The following AUTS2 variants were observed in gnomAD, a reference collection of about 807,000 sequenced individuals.
AUTS2 encodes the protein autism susceptibility gene 2 protein.
A neutral mutation model predicts 112.4 loss-of-function variants in AUTS2; 17 were observed. That is an observed-to-expected ratio of 0.15 (90% CI 0.10 to 0.23). AUTS2 has a LOEUF of 0.23. AUTS2 is among the 10% of genes least tolerant of loss of function. AUTS2 has a pLI of 1.00. For synonymous variants in AUTS2, 751 were observed against 702.7 expected (o/e 1.07, Z -1.09); for missense variants, 1,510 against 1,701.6 (o/e 0.89, Z 1.98).
intron 11 of AUTS2, among the ~76,000 whole-genome samples, chr7:70,772,122 C>T (rs1200966610): frequency 1.3e-5 from 2 of 152,162 alleles, no homozygotes; most frequent in African/African-American, 4.8e-5. Flanking sequence ...TTTCCCTCGC[C>T]AACCCCATCG....
chr7:70,763,661 C>T (rs1015304710), intron 7 of AUTS2, among the ~76,000 whole-genome samples: 10 of 152,060 alleles, frequency 6.6e-5, no homozygotes, highest in Non-Finnish European at 1.0e-4. Flanking sequence ...GGCAGGGAGT[C>T]GAAGCCTGGG....
intron 4 of AUTS2, among the ~76,000 whole-genome samples, chr7:70,418,425 G>C (rs1462063265): frequency 2.6e-5 from 4 of 152,288 alleles, no homozygotes; most frequent in African/African-American, 9.6e-5. Context: ...TTACGGATGA[G>C]GAAGCAAAGT....
intron 5 of AUTS2, among the ~76,000 whole-genome samples, chr7:70,564,828 G>A (rs1265056438): frequency 6.6e-6 from 1 of 152,114 alleles, no homozygotes; most frequent in Non-Finnish European, 1.5e-5. Context: ...GGCCAGGCAC[G>A]GTAGCTCACG....
At chr7:70,597,826 A>G (rs996787010) in intron 5 of AUTS2, among the ~76,000 whole-genome samples, 4 of 152,200 alleles carry the variant, frequency 2.6e-5, no homozygotes, top group African/African-American at 9.7e-5. Flanking sequence ...TAGCACTTCA[A>G]GTAACAATAT....
intron 4 of AUTS2, among the ~76,000 whole-genome samples, chr7:70,421,843 T>C (rs1414392892): frequency 6.6e-6 from 1 of 152,240 alleles, no homozygotes; most frequent in Non-Finnish European, 1.5e-5. Flanking sequence ...ACCAAATTAC[T>C]GCATATAGTA....
intron 13 of AUTS2, among the ~76,000 whole-genome samples, chr7:70,775,775 A>C (rs1173947359): frequency 6.6e-6 from 1 of 152,164 alleles, no homozygotes; most frequent in Admixed American, 6.6e-5. Context: ...TTTCTGTAGT[A>C]AGTGACATTG....
Position 69,670,555 on chromosome 7 carries a change from C to CAAAAA in AUTS2, c.309+70625_309+70629dup, listed in dbSNP as rs200373158. Among the ~76,000 whole-genome samples the CAAAAA allele has an allele frequency of 3.3e-4, 39 of 119,054 alleles. 2 individuals carry two copies. The highest frequency in any genetic ancestry group is 1.1e-3 in the African/African-American group (32 of 30,022). The allele number at this position is 119,054 out of a possible 152,430, so 78.1% of individuals were successfully genotyped here. A position where few individuals can be genotyped will look rare whatever the true frequency, so the allele number is the denominator to read the frequency against. On this transcript the variant is annotated intron_variant, in intron 1 of 18. Transcript: ENST00000342771. ...CATGGTTGTTTTTTACTTGATCCCT[C>CAAAAA]AAAAAAAAAAAAAAAAAAAAAAAAA...
chr7:70,266,437 A>G (rs1002352725), intron 4 of AUTS2, among the ~76,000 whole-genome samples: 2 of 152,168 alleles, frequency 1.3e-5, no homozygotes, highest in Non-Finnish European at 2.9e-5. Context: ...GGAATCAGAC[A>G]GTGGTGGGGT....
chr7:70,466,605 A>G (rs1296629205), intron 5 of AUTS2, among the ~76,000 whole-genome samples: 3 of 152,238 alleles, frequency 2.0e-5, no homozygotes, highest in African/African-American at 4.8e-5. Flanking sequence ...GGACAAATAC[A>G]TGATCAATTC....
intron 4 of AUTS2, among the ~76,000 whole-genome samples, chr7:70,400,332 T>C (rs10950201): frequency 0.05 from 7,660 of 152,268 alleles, 281 homozygotes; most frequent in Middle Eastern, 0.11. Flanking sequence ...TGTGTGTGGT[T>C]TGGATCCTTG....
Position 70,118,105 on chromosome 7 carries a change from C to CT in AUTS2, c.523-21dup, listed in dbSNP as rs755898036. 1.2e-5 allele frequency: 19 copies of CT among 1,570,420 alleles called. No homozygotes were observed. In the Admixed American group the frequency reaches 3.4e-4, roughly 28 times the overall value. On this transcript the variant is annotated intron_variant, in intron 2 of 18. Transcript: ENST00000342771. ...TAAGAAGCAGACCACTAACTTTTTC[C>CT]TTTTTTCTCTTTTCTTTTGCCTTTA...
chr7:69,993,506 A>G (rs1034457008), intron 2 of AUTS2, among the ~76,000 whole-genome samples: 2 of 152,128 alleles, frequency 1.3e-5, no homozygotes, highest in Non-Finnish European at 2.9e-5. Flanking sequence ...GCACTTTGGG[A>G]GGCCAAGGAG....
chr7:69,902,943 C>T (rs1488593811), intron 2 of AUTS2, among the ~76,000 whole-genome samples: 2 of 152,160 alleles, frequency 1.3e-5, no homozygotes, highest in Non-Finnish European at 2.9e-5. Context: ...GAATACTTTT[C>T]TTACTTCCCA....
intron 5 of AUTS2, among the ~76,000 whole-genome samples, chr7:70,606,337 TAA>T (rs754257425): frequency 0.31 from 46,814 of 151,910 alleles, 7,935 homozygotes; most frequent in Non-Finnish European, 0.37. Context: ...TCTTAAAAGT[TAA>T]TATTTGTATT....
At chr7:70,162,946 CT>C (rs1808171571) in intron 4 of AUTS2, among the ~76,000 whole-genome samples, 1 of 152,104 alleles carries the variant, frequency 6.6e-6, no homozygotes, top group Non-Finnish European at 1.5e-5. Context: ...AATTGAACGA[CT>C]TATAACGGCT....
At chr7:70,709,169 G>A (rs1472271919) in intron 6 of AUTS2, among the ~76,000 whole-genome samples, 3 of 151,582 alleles carry the variant, frequency 2.0e-5, no homozygotes, top group African/African-American at 4.8e-5. Context: ...CGCTCACCTC[G>A]GCCTCCCAAA....
At chr7:70,114,179 A>G (rs1247067107) in intron 2 of AUTS2, among the ~76,000 whole-genome samples, 1 of 152,210 alleles carries the variant, frequency 6.6e-6, no homozygotes, top group Non-Finnish European at 1.5e-5. Flanking sequence ...TCTAATGGGA[A>G]GAAGCTTCTC....
intron 1 of AUTS2, among the ~76,000 whole-genome samples, chr7:69,752,058 C>A (rs1787760593): frequency 6.6e-6 from 1 of 152,122 alleles, no homozygotes; most frequent in Non-Finnish European, 1.5e-5. Context: ...GGTCCAAAAT[C>A]CACCCCCCGC....
At chr7:70,447,276 G>A (rs62455220) in intron 5 of AUTS2, among the ~76,000 whole-genome samples, 3 of 152,122 alleles carry the variant, frequency 2.0e-5, no homozygotes, top group East Asian at 3.9e-4. Flanking sequence ...GAGTGTAGGC[G>A]TGATTACCTC....
Sources: allele counts gnomAD v4.1 joint callset (sites outside exome capture counted in the v4.1 genomes callset), GRCh38; gene constraint gnomAD v4.1.1; transcripts MANE v1.5; gene names NCBI Gene and HGNC (gene_info 2026-07-23, HGNC 2026-07-21).